The following GGH variants were observed in gnomAD, a reference collection of about 807,000 sequenced individuals.
GGH encodes gamma-Glu-X carboxypeptidase.
GGH carries 18 observed loss-of-function variants against 39.2 expected under a neutral mutation model. The observed-to-expected ratio is 0.46, with a 90% confidence interval of 0.32 to 0.68. GGH has a LOEUF of 0.68. GGH is among the 30% of genes least tolerant of loss of function. The pLI is 0.04. For synonymous variants in GGH, 147 were observed against 138.8 expected, an observed-to-expected ratio of 1.06 and a Z score of -0.42; for missense variants, 367 against 384.1, an observed-to-expected ratio of 0.96 and a Z score of 0.37.
At chr8:63,034,837 T>C (rs550770912) in intron 2 of GGH, among the ~76,000 whole-genome samples, 183 of 152,340 alleles carry the variant, frequency 1.2e-3, no homozygotes, top group African/African-American at 4.2e-3. Flanking sequence ...TCTCTTATCC[T>C]AATATTATAG....
chr8:63,022,450 A>T (rs759496354), intron 7 of GGH, among the ~76,000 whole-genome samples: 19 of 152,044 alleles, frequency 1.2e-4, no homozygotes, highest in Non-Finnish European at 1.5e-5. Flanking sequence ...TTGGATTCTG[A>T]ATGTTTCCTT....
intron 2 of GGH, among the ~76,000 whole-genome samples, chr8:63,033,025 C>A (rs1804833888): frequency 6.6e-6 from 1 of 152,222 alleles, no homozygotes. Context: ...ACCTAGACTA[C>A]TGCAACTACC....
chr8:63,026,374 C>A (rs1328087783), intron 4 of GGH, 78 bp from the exon 5 acceptor site: 7 of 1,063,694 alleles, frequency 6.6e-6, no homozygotes, highest in Non-Finnish European at 9.8e-6. Context: ...TTTGTCATAA[C>A]CAAATAGGCA....
At chr8:63,016,269 T>G (rs1348072813) in intron 8 of GGH, among the ~76,000 whole-genome samples, 1 of 152,066 alleles carries the variant, frequency 6.6e-6, no homozygotes, top group Non-Finnish European at 1.5e-5. Context: ...CCTCATTCAC[T>G]CCACGCACTC....
intron 2 of GGH, among the ~76,000 whole-genome samples, chr8:63,032,397 A>G (rs549884842): frequency 8.5e-5 from 13 of 152,278 alleles, no homozygotes; most frequent in African/African-American, 3.1e-4. Context: ...GCAGCAGTCC[A>G]TGGGCTCCTG....
At chr8:63,018,063 C>CCTGCCTAAA (rs1804519084) in intron 7 of GGH, 1 of 153,718 alleles carries the variant, frequency 6.5e-6, no homozygotes, top group South Asian at 2.1e-4. Context: ...CCTTTTACAC[C>CCTGCCTAAA]CTGCCTAAAC....
intron 7 of GGH, among the ~76,000 whole-genome samples, chr8:63,022,555 C>A (rs1804609210): frequency 6.7e-6 from 1 of 149,754 alleles, no homozygotes; most frequent in Non-Finnish European, 1.5e-5. Flanking sequence ...ATTATAATTT[C>A]TTCTTTTTTT....
At chr8:63,032,708 C>G (rs60889737) in intron 2 of GGH, among the ~76,000 whole-genome samples, 12,047 of 152,192 alleles carry the variant, frequency 0.079, 481 homozygotes, top group South Asian at 0.17. Context: ...TATGAACTCA[C>G]CCCATATGTA....
chr8:63,017,329 G>T, intron 8 of GGH, 164 bp downstream of exon 8: 1 of 515,704 alleles, frequency 1.9e-6, no homozygotes, highest in Admixed American at 3.7e-5. Context: ...CTTACATCTT[G>T]ATTTTAGGGC....
At chr8:63,032,163 A>G (rs530181733) in intron 2 of GGH, among the ~76,000 whole-genome samples, 53 of 152,046 alleles carry the variant, frequency 3.5e-4, no homozygotes, top group Non-Finnish European at 6.9e-4. Flanking sequence ...CCTCCTGAGT[A>G]GCTGGGCCCA....
intron 7 of GGH, among the ~76,000 whole-genome samples, chr8:63,019,718 G>A (rs374407120): frequency 5.9e-5 from 9 of 152,116 alleles, no homozygotes; most frequent in African/African-American, 9.7e-5. Context: ...GCAGAAAATC[G>A]CCCAAGAAAG....
At chr8:63,017,077 G>A (rs895252334) in intron 8 of GGH, among the ~76,000 whole-genome samples, 2 of 152,162 alleles carry the variant, frequency 1.3e-5, no homozygotes, top group African/African-American at 2.4e-5. Context: ...TGTAGTCCCA[G>A]CTACTCAGGA....
In GGH at chr8:63,030,231, A is replaced by C; in HGVS notation, c.225-14T>G. The C allele has an allele frequency of 8.2e-7, 1 of 1,216,842 alleles. No individual in the cohort carries two copies. The highest frequency in any genetic ancestry group is 1.2e-6 in the Non-Finnish European group (1 of 821,874). The allele number at this position is 1,216,842 out of a possible 1,614,324, so 75.4% of individuals were successfully genotyped here. On this transcript the variant is annotated splice_polypyrimidine_tract_variant and intron_variant, in intron 2 of 8. Transcript: ENST00000260118. ...GTAAGATCCAGCCTGAAAACAATAA[A>C]AGTTATTGTTACATTTGTGAAACTT...
rs772170413 is a variant in GGH at position 63,035,788 on chromosome 8, T to C, written c.110-18A>G. On this transcript the variant is annotated intron_variant, in intron 1 of 8. Coordinates refer to ENST00000260118, the MANE Select transcript of GGH (RefSeq NM_003878.3). ...TAATATTCCTAATAACAAAAAAAAGTTTAGTTTCAAGCAAATTCCTTTTCT... is the reference window on the plus strand; with the variant it reads ...TAATATTCCTAATAACAAAAAAAAGCTTAGTTTCAAGCAAATTCCTTTTCT... 1 of 1,591,498 alleles carries C rather than the reference T, an allele frequency of 6.3e-7. No individual in the cohort carries two copies. The highest frequency in any genetic ancestry group is 8.6e-7 in the Non-Finnish European group (1 of 1,168,912).
intron 8 of GGH, 66 bp downstream of exon 8, chr8:63,017,426 AG>A: frequency 9.5e-7 from 1 of 1,047,834 alleles, no homozygotes. Context: ...GGTAGGCAAA[AG>A]TTCAGATAAG....
intron 8 of GGH, 74 bp downstream of exon 8, chr8:63,017,419 A>G (rs1453644347): frequency 1.1e-6 from 1 of 885,592 alleles, no homozygotes; most frequent in Non-Finnish European, 1.8e-6. Flanking sequence ...GCAAAAGGGT[A>G]GGCAAAAGTT....
At chr8:63,026,932 C>T (rs1479193857) in intron 4 of GGH, 7 of 472,378 alleles carry the variant, frequency 1.5e-5, no homozygotes, top group South Asian at 5.5e-5. Context: ...CATGAGGACA[C>T]GGTTCACATT....
intron 4 of GGH, chr8:63,026,889 A>T (rs1804695165): frequency 1.9e-5 from 6 of 315,076 alleles, no homozygotes; most frequent in Admixed American, 5.3e-5. Context: ...AAAAAAAAAT[A>T]GGACAGAGAG....
chr8:63,019,303 A>G (rs1804544200), intron 7 of GGH, among the ~76,000 whole-genome samples: 1 of 152,230 alleles, frequency 6.6e-6, no homozygotes, highest in Non-Finnish European at 1.5e-5. Context: ...TACCACAGAC[A>G]TCTCAGTTGG....
Sources: allele counts gnomAD v4.1 joint callset (sites outside exome capture counted in the v4.1 genomes callset), GRCh38; gene constraint gnomAD v4.1.1; transcripts MANE v1.5; gene names NCBI Gene and HGNC (gene_info 2026-07-23, HGNC 2026-07-21).